The following PARP8 variants were observed in gnomAD, a reference collection of about 807,000 sequenced individuals.
The protein encoded by PARP8 is poly(ADP-ribose) polymerase family member 8.
A neutral mutation model predicts 124.1 loss-of-function variants in PARP8; 51 were observed. That is an observed-to-expected ratio of 0.41 (90% CI 0.33 to 0.52). The LOEUF is 0.52. PARP8 is among the 20% of genes least tolerant of loss of function. The probability of loss-of-function intolerance (pLI) is 0.21; values close to 1 mark genes in which losing one functional copy is unlikely to be tolerated. For missense variants in PARP8, 860 were observed against 1,018.9 expected (o/e 0.84, Z 2.12); for synonymous variants, 391 against 361.5 (o/e 1.08, Z -0.93).
intron 2 of PARP8, chr5:50,741,950 A>T: frequency 2.5e-6 from 1 of 401,224 alleles, no homozygotes. Context: ...CTGGCATTAC[A>T]GGTGCACACA....
At chr5:50,677,948 A>T (rs1189454328) in intron 2 of PARP8, among the ~76,000 whole-genome samples, 2 of 152,040 alleles carry the variant, frequency 1.3e-5, no homozygotes, top group East Asian at 3.8e-4. Flanking sequence ...CCTGTACATT[A>T]TACAGGCATA....
chr5:50,807,873 A>G (rs533101119), intron 14 of PARP8, among the ~76,000 whole-genome samples: 2 of 152,156 alleles, frequency 1.3e-5, no homozygotes, highest in Admixed American at 6.6e-5. Flanking sequence ...GTCCTGGGTT[A>G]CTTGCTCTGA....
intron 2 of PARP8, among the ~76,000 whole-genome samples, chr5:50,703,071 C>T (rs547353679): frequency 3.0e-4 from 46 of 152,124 alleles, no homozygotes; most frequent in Non-Finnish European, 4.6e-4. Context: ...GAGGCTGAGG[C>T]GGCAGCATCA....
chr5:50,817,499 T>C (rs916743360), intron 15 of PARP8, among the ~76,000 whole-genome samples: 3 of 152,170 alleles, frequency 2.0e-5, no homozygotes, highest in African/African-American at 7.2e-5. Flanking sequence ...TTTTAAGTGG[T>C]GCTCTGGGGG....
intron 2 of PARP8, among the ~76,000 whole-genome samples, chr5:50,745,591 A>G (rs1758457881): frequency 6.6e-6 from 1 of 152,184 alleles, no homozygotes. Flanking sequence ...GTCTTGAACT[A>G]CAACAGGCCC....
chr5:50,794,461 G>A, intron 11 of PARP8, 129 bp downstream of exon 11: 1 of 1,011,256 alleles, frequency 9.9e-7, no homozygotes, highest in Non-Finnish European at 1.4e-6. Flanking sequence ...AAAAGACTGA[G>A]TTAGATGCAT....
At chr5:50,694,079 T>A (rs1752778325) in intron 2 of PARP8, among the ~76,000 whole-genome samples, 1 of 152,194 alleles carries the variant, frequency 6.6e-6, no homozygotes, top group Admixed American at 6.5e-5. Flanking sequence ...ATTCTTTATG[T>A]TTTAAACAAC....
chr5:50,841,287 A>G (rs1748150079), intron 25 of PARP8, among the ~76,000 whole-genome samples: 3 of 151,886 alleles, frequency 2.0e-5, no homozygotes. Flanking sequence ...ACTGTATTTG[A>G]GAAAAATGAA....
At chr5:50,840,938 C>A (rs192364107) in intron 25 of PARP8, among the ~76,000 whole-genome samples, 263 of 151,870 alleles carry the variant, frequency 1.7e-3, no homozygotes, top group African/African-American at 6.0e-3. Context: ...AAATAGACAA[C>A]CTTGGGTCAT....
intron 3 of PARP8, among the ~76,000 whole-genome samples, chr5:50,753,107 T>C (rs1759441188): frequency 6.6e-6 from 1 of 152,070 alleles, no homozygotes; most frequent in Non-Finnish European, 1.5e-5. Context: ...TACTTCTTTG[T>C]AGATTTTATT....
At chr5:50,757,181 G>C in intron 3 of PARP8, 1 of 455,786 alleles carries the variant, frequency 2.2e-6, no homozygotes, top group Non-Finnish European at 4.4e-6. Flanking sequence ...TCCTGGTTCC[G>C]TTTCCTGTGG....
chr5:50,757,832 T>C (rs78270338), intron 3 of PARP8, among the ~76,000 whole-genome samples: 7,134 of 152,230 alleles, frequency 0.047, 234 homozygotes, highest in Admixed American at 0.073. Flanking sequence ...TCTTCGTCAT[T>C]CTATGATACT....
chr5:50,697,195 G>C (rs1271425146), intron 2 of PARP8, among the ~76,000 whole-genome samples: 2 of 152,162 alleles, frequency 1.3e-5, no homozygotes, highest in African/African-American at 4.8e-5. Flanking sequence ...GTTGGAGGTT[G>C]CAGTGAGCCG....
At chr5:50,774,045 T>C (rs1761906428) in intron 7 of PARP8, among the ~76,000 whole-genome samples, 1 of 152,118 alleles carries the variant, frequency 6.6e-6, no homozygotes, top group South Asian at 2.1e-4. Context: ...TGACTCTTAA[T>C]GAGCATGCTG....
intron 25 of PARP8, 75 bp from the exon 26 acceptor site, chr5:50,841,891 A>C (rs1748224163): frequency 9.7e-7 from 1 of 1,028,740 alleles, no homozygotes; most frequent in Non-Finnish European, 1.4e-6. Flanking sequence ...TTTAGGTATC[A>C]AATAGCATTT....
chr5:50,814,083 G>A (rs1289399278), intron 14 of PARP8, among the ~76,000 whole-genome samples: 1 of 151,984 alleles, frequency 6.6e-6, no homozygotes, highest in Non-Finnish European at 1.5e-5. Flanking sequence ...TGATATCTAA[G>A]GTTTATCTTC....
At chr5:50,800,366 T>C (rs1006980503) in intron 14 of PARP8, among the ~76,000 whole-genome samples, 6 of 152,232 alleles carry the variant, frequency 3.9e-5, no homozygotes, top group African/African-American at 1.4e-4. Flanking sequence ...AAATTATGTC[T>C]CTTGCAAATA....
At position 50,822,412 on chromosome 5, in the gene PARP8, A is replaced by G. The variant is rs571481627; in HGVS notation, c.1860+12A>G. ...GAGAAATGACACAAGTAAGTATGTC[A>G]TCTGGTCTTGTACAGTATATTTTTA... On this transcript the variant is annotated intron_variant, in intron 17 of 25. Coordinates refer to ENST00000281631, the MANE Select transcript of PARP8 (RefSeq NM_024615.4). The G allele has an allele frequency of 1.3e-6, 2 of 1,590,180 alleles. No individual in the cohort carries two copies. The highest frequency in any genetic ancestry group is 1.3e-5 in the African/African-American group (1 of 74,556).
intron 7 of PARP8, among the ~76,000 whole-genome samples, chr5:50,768,503 G>A (rs1023177858): frequency 4.6e-5 from 7 of 152,106 alleles, no homozygotes; most frequent in African/African-American, 1.7e-4. Context: ...CCAGAATGAA[G>A]CAATTTCGTT....
Sources: gnomAD v4.1 joint callset for allele counts (sites outside exome capture counted in the v4.1 genomes callset) on GRCh38, gnomAD v4.1.1 for gene constraint, MANE v1.5 for transcripts, NCBI Gene and HGNC (gene_info 2026-07-23, HGNC 2026-07-21) for gene names.